The following TBC1D5 variants were observed in gnomAD, a reference collection of about 807,000 sequenced individuals.
TBC1D5 encodes the protein TBC1 domain family, member 5.
Under a neutral mutation model 100.3 loss-of-function variants are expected in TBC1D5, and 75 were observed. That is an observed-to-expected ratio of 0.75 (90% CI 0.62 to 0.91). The LOEUF (loss-of-function observed/expected upper bound fraction) is 0.91. TBC1D5 is among the 40% of genes least tolerant of loss of function. TBC1D5 has a pLI of 0.00. For synonymous variants in TBC1D5, 323 were observed against 325.6 expected, an observed-to-expected ratio of 0.99 and a Z score of 0.09; for missense variants, 910 against 942.4, an observed-to-expected ratio of 0.97 and a Z score of 0.45.
intron 1 of TBC1D5, among the ~76,000 whole-genome samples, chr3:17,675,806 T>C (rs2068551235): frequency 6.6e-6 from 1 of 152,144 alleles, no homozygotes; most frequent in Non-Finnish European, 1.5e-5. Flanking sequence ...TGACATGCTT[T>C]CACAGAACAA....
chr3:17,415,004 T>G (rs980879553), intron 4 of TBC1D5, among the ~76,000 whole-genome samples: 5 of 152,204 alleles, frequency 3.3e-5, no homozygotes, highest in African/African-American at 1.2e-4. Context: ...GCCTAGAGGT[T>G]TGTTAAAATT....
intron 3 of TBC1D5, 95 bp from the exon 4 acceptor site, chr3:17,428,614 A>C: frequency 2.1e-6 from 1 of 484,374 alleles, no homozygotes; most frequent in Non-Finnish European, 3.3e-6. Context: ...TATTAGCCAA[A>C]AAGCATACAT....
At chr3:17,637,351 A>T (rs1360798661) in intron 1 of TBC1D5, among the ~76,000 whole-genome samples, 2 of 151,014 alleles carry the variant, frequency 1.3e-5, no homozygotes, top group African/African-American at 4.8e-5. Context: ...CCCAAGATAA[A>T]TTTAAAATAT....
At chr3:17,446,060 A>C (rs1423454247) in intron 3 of TBC1D5, among the ~76,000 whole-genome samples, 1 of 152,216 alleles carries the variant, frequency 6.6e-6, no homozygotes, top group African/African-American at 2.4e-5. Flanking sequence ...AATAATACAG[A>C]GTTCAAAATG....
chr3:17,456,867 T>C (rs2095098188), intron 3 of TBC1D5, among the ~76,000 whole-genome samples: 1 of 152,142 alleles, frequency 6.6e-6, no homozygotes, highest in South Asian at 2.1e-4. Flanking sequence ...ACAAAAACAT[T>C]TTGTTAAACA....
At chr3:17,256,989 G>C (rs1474042273) in intron 16 of TBC1D5, among the ~76,000 whole-genome samples, 1 of 152,180 alleles carries the variant, frequency 6.6e-6, no homozygotes, top group Non-Finnish European at 1.5e-5. Flanking sequence ...GGCTGATGTG[G>C]CTGTAGCATG....
chr3:17,571,242 C>A (rs2096625212), intron 2 of TBC1D5, among the ~76,000 whole-genome samples: 1 of 151,960 alleles, frequency 6.6e-6, no homozygotes, highest in Non-Finnish European at 1.5e-5. Flanking sequence ...ACTACAAAAA[C>A]TAAGCAACTA....
intron 13 of TBC1D5, among the ~76,000 whole-genome samples, chr3:17,320,267 G>C (rs913404987): frequency 6.6e-6 from 1 of 152,202 alleles, no homozygotes; most frequent in African/African-American, 2.4e-5. Context: ...GGTTTTCAAA[G>C]TGTGGTCTCT....
intron 21 of TBC1D5, among the ~76,000 whole-genome samples, chr3:17,164,044 A>C (rs1299300288): frequency 6.6e-6 from 1 of 152,192 alleles, no homozygotes; most frequent in Non-Finnish European, 1.5e-5. Context: ...ATGTGTGAGG[A>C]TAGATGCTGA....
At chr3:17,310,995 G>A (rs1054976046) in intron 13 of TBC1D5, among the ~76,000 whole-genome samples, 9 of 151,752 alleles carry the variant, frequency 5.9e-5, no homozygotes, top group Admixed American at 1.3e-4. Flanking sequence ...GCTATTTTGG[G>A]CTTTCTTCAT....
chr3:17,454,061 C>G (rs1388913026), intron 3 of TBC1D5, among the ~76,000 whole-genome samples: 1 of 152,136 alleles, frequency 6.6e-6, no homozygotes, highest in Non-Finnish European at 1.5e-5. Context: ...TAAAGTTCAG[C>G]ATTCCTTTTA....
chr3:17,336,495 G>A (rs1413848084), intron 13 of TBC1D5, among the ~76,000 whole-genome samples: 1 of 152,048 alleles, frequency 6.6e-6, no homozygotes, highest in Non-Finnish European at 1.5e-5. Flanking sequence ...CACGGCTGAG[G>A]TCTCTGCAAC....
At chr3:17,605,589 A>G (rs2061287707) in intron 2 of TBC1D5, among the ~76,000 whole-genome samples, 1 of 152,212 alleles carries the variant, frequency 6.6e-6, no homozygotes, top group Admixed American at 6.5e-5. Flanking sequence ...GGAAAAGGAT[A>G]GTCTTTTTTA....
rs534539649 is a variant in TBC1D5, at chr3:17,564,004, G to C, written c.-35-55399C>G. Among the ~76,000 whole-genome samples the C allele has an allele frequency of 1.3e-3, 191 of 152,234 alleles. 1 individual carries two copies. The highest frequency in any genetic ancestry group is 8.9e-3 in the East Asian group (46 of 5,172). ...TCACCGTGTTAGCCAGGATGGTCTC[G>C]ATCTCCTGACCTTGTGATCCGCCCG... On this transcript the variant is annotated intron_variant, in intron 2 of 21. Coordinates refer to ENST00000253692, the Ensembl canonical transcript of TBC1D5.
chr3:17,584,474 T>C (rs1213681678), intron 2 of TBC1D5, among the ~76,000 whole-genome samples: 1 of 152,210 alleles, frequency 6.6e-6, no homozygotes, highest in Admixed American at 6.5e-5. Flanking sequence ...GGAAGGCTCT[T>C]AGAAACTCAT....
At chr3:17,159,380 G>A (rs901702246) in exon 22 of TBC1D5, 6 of 152,324 alleles carry the variant, frequency 3.9e-5, no homozygotes, top group Admixed American at 3.3e-4. Flanking sequence ...CAGTGGGAGG[G>A]ACGTAAACAG....
intron 13 of TBC1D5, among the ~76,000 whole-genome samples, chr3:17,344,722 T>C (rs2089598359): frequency 6.6e-6 from 1 of 151,992 alleles, no homozygotes; most frequent in South Asian, 2.1e-4. Flanking sequence ...AACAGAGATA[T>C]AGATCAATGG....
chr3:17,276,647 G>C (rs1340193823), intron 15 of TBC1D5, among the ~76,000 whole-genome samples: 1 of 152,168 alleles, frequency 6.6e-6, no homozygotes, highest in African/African-American at 2.4e-5. Flanking sequence ...TTTTCCCTTA[G>C]AGAGAGCCAT....
chr3:17,211,666 G>C (rs1043667378), intron 18 of TBC1D5, among the ~76,000 whole-genome samples: 3 of 152,138 alleles, frequency 2.0e-5, no homozygotes, highest in African/African-American at 7.2e-5. Flanking sequence ...TTAAGGTTCA[G>C]CTTTCTTAGG....
Sources: gnomAD v4.1 joint callset for allele counts (sites outside exome capture counted in the v4.1 genomes callset) on GRCh38, gnomAD v4.1.1 for gene constraint, MANE v1.5 for transcripts, NCBI Gene and HGNC (gene_info 2026-07-23, HGNC 2026-07-21) for gene names.